The following GTF2IRD2B variants were observed in gnomAD, a reference collection of about 807,000 sequenced individuals.
GTF2IRD2B encodes GTF2I repeat domain containing 2B.
GTF2IRD2B carries 10 observed loss-of-function variants against 55.6 expected under a neutral mutation model. The observed-to-expected ratio is 0.18, with a 90% CI of 0.11 to 0.31. The LOEUF is 0.31. Ranked by LOEUF, GTF2IRD2B falls within the 10% of genes least tolerant of loss-of-function variation. The probability of loss-of-function intolerance (pLI) is 1.00; values close to 1 mark genes in which losing one functional copy is unlikely to be tolerated. For synonymous variants in GTF2IRD2B, 107 were observed against 320.5 expected (o/e 0.33, Z 7.12); for missense variants, 206 against 802.7 (o/e 0.26, Z 8.98).
intron 3 of GTF2IRD2B, among the ~76,000 whole-genome samples, chr7:75,114,227 T>C (rs1464881976): frequency 1.3e-5 from 2 of 151,420 alleles, no homozygotes; most frequent in Non-Finnish European, 2.9e-5. Context: ...CATCTTTAAA[T>C]AATACAGTAT....
At chr7:75,123,431 A>G (rs1470182386) in intron 5 of GTF2IRD2B, 57 bp from the exon 6 acceptor site, 2 of 655,396 alleles carry the variant, frequency 3.1e-6, no homozygotes, top group Admixed American at 6.1e-5. Flanking sequence ...GACTGTTCAG[A>G]TGTGTCATGC....
At chr7:75,120,331 T>A (rs1307393633) in intron 3 of GTF2IRD2B, among the ~76,000 whole-genome samples, 1 of 62,162 alleles carries the variant, frequency 1.6e-5, no homozygotes, top group Non-Finnish European at 3.0e-5. Flanking sequence ...GGTATAGTCT[T>A]CCTATACAAT....
At position 75,146,131 on chromosome 7, in the gene GTF2IRD2B, T is replaced by C. The variant is rs1375978389; in HGVS notation, c.1247-1563T>C. 4.9e-3 allele frequency among the ~76,000 whole-genome samples: 83 copies of C among 17,112 alleles called. 1 individual carries two copies. The highest frequency in any genetic ancestry group is 7.5e-3 in the Non-Finnish European group (75 of 10,038). The allele number at this position is 17,112 out of a possible 152,430, so 11.2% of individuals were successfully genotyped here. A position where few individuals can be genotyped will look rare whatever the true frequency, so the allele number is the denominator to read the frequency against. ...GCCTCAGCCTCCCAAAGTGCTGGGA[T>C]TATAGGCATGAGCCGCTGTACATGG... On this transcript the variant is annotated intron_variant, in intron 15 of 15. Coordinates refer to ENST00000472837, the MANE Select transcript of GTF2IRD2B (RefSeq NM_001003795.3).
chr7:75,099,693 C>T (rs1287559522), intron 1 of GTF2IRD2B, among the ~76,000 whole-genome samples: 176 of 120,534 alleles, frequency 1.5e-3, no homozygotes, highest in African/African-American at 4.6e-3. Context: ...GCTGAGATCA[C>T]GCCATTGCAC....
chr7:75,132,509 G>A (rs1554535070), intron 8 of GTF2IRD2B, among the ~76,000 whole-genome samples: 6 of 145,500 alleles, frequency 4.1e-5, no homozygotes, highest in East Asian at 3.9e-4. Context: ...AAGCTCTCCC[G>A]CCTTCACGAT....
intron 3 of GTF2IRD2B, among the ~76,000 whole-genome samples, chr7:75,117,089 A>C (rs1284637010): frequency 6.7e-6 from 1 of 148,430 alleles, no homozygotes; most frequent in African/African-American, 2.5e-5. Context: ...AAGGATGTTC[A>C]ATCTTGTCAA....
intron 1 of GTF2IRD2B, among the ~76,000 whole-genome samples, chr7:75,102,163 C>T (rs587737545): frequency 3.6e-4 from 54 of 150,876 alleles, no homozygotes; most frequent in South Asian, 1.9e-3. Context: ...CCACCATGCC[C>T]GGCTAATTTT....
In GTF2IRD2B at chr7:75,116,799, C is replaced by T. The variant is rs1376643300; in HGVS notation, c.239-4092C>T. 1.2e-4 allele frequency among the ~76,000 whole-genome samples: 18 copies of T among 149,542 alleles called. No homozygotes were observed. The East Asian group carries it at 2.8e-3, about 23-fold the overall frequency. ...CTGGGATTACAGGTGCGTGCCACCA[C>T]ACCTGGCTAATTTTTGTATTTTTTT... On this transcript the variant is annotated intron_variant, in intron 3 of 15. Transcript: ENST00000472837.
At chr7:75,115,952 C>T (rs1185972836) in intron 3 of GTF2IRD2B, among the ~76,000 whole-genome samples, 1 of 125,786 alleles carries the variant, frequency 8.0e-6, no homozygotes. Context: ...CAGAGTCTTG[C>T]TCTGTTGCCC....
chr7:75,135,114 T>A (rs587698831), intron 10 of GTF2IRD2B, 57 bp downstream of exon 10: 1 of 1,119,816 alleles, frequency 8.9e-7, no homozygotes, highest in African/African-American at 1.9e-5. Context: ...TAGAAGTTTA[T>A]AGTATTTTAC....
intron 1 of GTF2IRD2B, among the ~76,000 whole-genome samples, chr7:75,097,318 A>G (rs1332694708): frequency 1.3e-5 from 1 of 78,092 alleles, no homozygotes; most frequent in Non-Finnish European, 2.5e-5. Flanking sequence ...CTACAAAAAA[A>G]AAAAAAAAAA....
chr7:75,115,087 C>G (rs1221391316), intron 3 of GTF2IRD2B, among the ~76,000 whole-genome samples: 2 of 115,458 alleles, frequency 1.7e-5, no homozygotes, highest in African/African-American at 3.3e-5. Flanking sequence ...CGTGAGTCAT[C>G]GTGCCCAGCT....
At chr7:75,109,371 C>G (rs1263744994) in intron 2 of GTF2IRD2B, among the ~76,000 whole-genome samples, 4 of 147,060 alleles carry the variant, frequency 2.7e-5, no homozygotes, top group African/African-American at 9.8e-5. Flanking sequence ...CAGAGTCTTG[C>G]TCTGCTGCCC....
intron 15 of GTF2IRD2B, among the ~76,000 whole-genome samples, chr7:75,147,160 C>T (rs587609217): frequency 4.9e-4 from 74 of 151,442 alleles, no homozygotes; most frequent in Non-Finnish European, 7.8e-4. Flanking sequence ...TGGCTGGGTG[C>T]AGTGGCTCAT....
chr7:75,149,144 G>A lies in GTF2IRD2B; in HGVS notation c.2697G>A (p.Pro899=), dbSNP rs199674013. Reference sequence around the variant, plus strand: ...ACAAGTACCTCTGGGGTAGCTACCCGAAATACAAGCACCATTGCGCAAAGA... The same window carrying A: ...ACAAGTACCTCTGGGGTAGCTACCCAAAATACAAGCACCATTGCGCAAAGA... The part of the protein sequence containing the change: ...EFYKYLWGSY[P]KYKHHCAKIL... The change falls in exon 16 of 16, where the codon CCG becomes CCA. Residue 899 remains proline (P), a synonymous_variant. Coordinates refer to ENST00000472837, the MANE Select transcript of GTF2IRD2B (RefSeq NM_001003795.3). 6.9e-3 allele frequency: 4,562 copies of A among 663,750 alleles called. 65 individuals carry two copies. The African/African-American group carries it at 0.074, about 11-fold the overall frequency. The allele number at this position is 663,750 out of a possible 1,614,324, so 41.1% of individuals were successfully genotyped here.
In GTF2IRD2B at chr7:75,092,743, C is replaced by CCGGCG. The variant is rs1452874104; in HGVS notation, c.-23_-19dup. The CCGGCG allele has an allele frequency of 0.018, 2,781 of 152,866 alleles. 26 individuals carry two copies. The highest frequency in any genetic ancestry group is 0.028 in the Non-Finnish European group (1,902 of 67,892). The allele number at this position is 152,866 out of a possible 1,614,324, so 9.5% of individuals were successfully genotyped here. A position where few individuals can be genotyped will look rare whatever the true frequency, so the allele number is the denominator to read the frequency against. ...CCAGGCCTCGGACTCCGCGGCCGGC[C>CCGGCG]CGGCGCGGCCCAGCGCCCTCAGGTG... On this transcript the variant is annotated 5_prime_UTR_variant, in exon 1 of 16. Transcript: ENST00000472837.
intron 1 of GTF2IRD2B, among the ~76,000 whole-genome samples, chr7:75,103,048 C>T (rs62476607): frequency 2.7e-4 from 41 of 151,278 alleles, no homozygotes; most frequent in Non-Finnish European, 5.5e-4. Flanking sequence ...GAGGCTGAGG[C>T]GTGTGGATCA....
intron 8 of GTF2IRD2B, among the ~76,000 whole-genome samples, chr7:75,127,152 G>C (rs1486702792): frequency 6.6e-6 from 1 of 151,240 alleles, no homozygotes; most frequent in African/African-American, 2.4e-5. Context: ...AGCCTCATTT[G>C]CAGAAGAACC....
intron 3 of GTF2IRD2B, among the ~76,000 whole-genome samples, chr7:75,118,307 C>T (rs1808244079): frequency 1.3e-5 from 2 of 150,872 alleles, no homozygotes; most frequent in African/African-American, 4.9e-5. Context: ...GAAAGTGTTG[C>T]AGGCACCCAC....
Sources: allele counts gnomAD v4.1 joint callset (sites outside exome capture counted in the v4.1 genomes callset), GRCh38; gene constraint gnomAD v4.1.1; transcripts MANE v1.5; gene names NCBI Gene and HGNC (gene_info 2026-07-23, HGNC 2026-07-21).